Variants in EML1 observed in about 807,000 individuals in gnomAD.
The protein encoded by EML1 is echinoderm microtubule-associated protein-like 1.
EML1 carries 27 observed loss-of-function variants against 110.4 expected under a neutral mutation model. That is an observed-to-expected ratio of 0.24 (90% confidence interval 0.18 to 0.34). The LOEUF (loss-of-function observed/expected upper bound fraction) is 0.34, where lower values mean the gene tolerates loss of function less well. Ranked by LOEUF, EML1 falls within the 10% of genes least tolerant of loss-of-function variation. EML1 has a pLI of 1.00. For synonymous variants in EML1, 344 were observed against 385.8 expected (o/e 0.89, Z 1.27); for missense variants, 741 against 1,030.9 (o/e 0.72, Z 3.85).
intron 17 of EML1, among the ~76,000 whole-genome samples, chr14:99,930,935 C>T (rs553604303): frequency 1.2e-4 from 18 of 152,288 alleles, no homozygotes; most frequent in African/African-American, 4.3e-4. Flanking sequence ...CTTCTTTGAT[C>T]TTATCCATGT....
intron 12 of EML1, 90 bp from the exon 13 acceptor site, chr14:99,911,332 C>A: frequency 1.4e-6 from 2 of 1,427,634 alleles, no homozygotes; most frequent in Non-Finnish European, 1.9e-6. Context: ...GACAATATTG[C>A]GTTTTAAAAC....
chr14:99,779,285 GGATT>G (rs1246199020), intron 1 of EML1, among the ~76,000 whole-genome samples: 5 of 151,814 alleles, frequency 3.3e-5, no homozygotes. Flanking sequence ...ATTGCTGTGG[GGATT>G]GTATTTCTAC....
intron 9 of EML1, among the ~76,000 whole-genome samples, chr14:99,904,305 C>T (rs185151024): frequency 1.6e-3 from 241 of 152,240 alleles, no homozygotes; most frequent in Admixed American, 1.4e-3. Context: ...CTCAAACTTT[C>T]GACAACTTGC....
chr14:99,752,858 T>G (rs531587768), intron 1 of EML1, among the ~76,000 whole-genome samples: 37 of 151,150 alleles, frequency 2.4e-4, no homozygotes, highest in Admixed American at 4.6e-4. Context: ...AAACAGCAGG[T>G]TTTTTTTTAA....
At chr14:99,738,506 A>T (rs1326776800) in intron 1 of EML1, among the ~76,000 whole-genome samples, 1 of 152,216 alleles carries the variant, frequency 6.6e-6, no homozygotes, top group Non-Finnish European at 1.5e-5. Flanking sequence ...CCAGTTACAG[A>T]GCCAGCCTTG....
At chr14:99,775,642 T>C (rs2057473821) in intron 1 of EML1, among the ~76,000 whole-genome samples, 1 of 152,222 alleles carries the variant, frequency 6.6e-6, no homozygotes, top group Admixed American at 6.5e-5. Flanking sequence ...CAGGGGCTTT[T>C]GATCTGGAGA....
intron 1 of EML1, among the ~76,000 whole-genome samples, chr14:99,751,407 TC>T (rs2057173620): frequency 1.3e-5 from 2 of 152,154 alleles, no homozygotes; most frequent in African/African-American, 4.8e-5. Flanking sequence ...GAATGGTCAA[TC>T]AGCCATTCGA....
At chr14:99,818,606 A>T (rs11622725) in intron 1 of EML1, among the ~76,000 whole-genome samples, 1 of 152,172 alleles carries the variant, frequency 6.6e-6, no homozygotes, top group Admixed American at 6.5e-5. Context: ...CGTGTGCATC[A>T]CTCTATCTTC....
chr14:99,939,766 G>T lies in EML1; in HGVS notation c.2323-221G>T, dbSNP rs2060550005. On this transcript the variant is annotated intron_variant, in intron 21 of 21. Transcript: ENST00000262233. This position sits in a 1 kb window ranked among gnomAD's most constrained non-coding sequence, Gnocchi z 4.2. Reference sequence around the variant, plus strand: ...TACTGAGCATATCTCTCGGCTGAGGGCGGTCATTTGCTCGTGTCTGTCCCC... The same window carrying T: ...TACTGAGCATATCTCTCGGCTGAGGTCGGTCATTTGCTCGTGTCTGTCCCC... Among the ~76,000 whole-genome samples the T allele has an allele frequency of 6.6e-6, 1 of 152,070 alleles. No homozygotes were observed. Among genetic ancestry groups the T allele is most frequent in the Non-Finnish European group, 1.5e-5 (1 of 68,028 alleles).
intron 1 of EML1, among the ~76,000 whole-genome samples, chr14:99,766,119 G>A (rs2057366450): frequency 6.6e-6 from 1 of 151,756 alleles, no homozygotes; most frequent in South Asian, 2.1e-4. Flanking sequence ...ACACCTATCT[G>A]AGTCTCTGCT....
At chr14:99,766,658 G>A (rs2057371984) in intron 1 of EML1, among the ~76,000 whole-genome samples, 1 of 152,132 alleles carries the variant, frequency 6.6e-6, no homozygotes, top group African/African-American at 2.4e-5. Flanking sequence ...TAAAAACCAG[G>A]TTTGAACTCT....
intron 3 of EML1, among the ~76,000 whole-genome samples, chr14:99,877,404 G>A (rs1394109854): frequency 1.3e-5 from 2 of 152,104 alleles, no homozygotes; most frequent in Non-Finnish European, 2.9e-5. Context: ...CTCCATACCT[G>A]GGCTCTGGTT....
intron 17 of EML1, among the ~76,000 whole-genome samples, chr14:99,921,184 G>C (rs948534687): frequency 4.6e-5 from 7 of 151,762 alleles, no homozygotes; most frequent in African/African-American, 1.5e-4. Flanking sequence ...TTGGTTTTCT[G>C]TTCCTACATT....
chr14:99,802,989 C>T lies in EML1; in HGVS notation c.67+9446C>T, dbSNP rs529984833. Among the ~76,000 whole-genome samples the T allele has an allele frequency of 2.0e-5, 3 of 152,216 alleles. 1 individual carries two copies. Among genetic ancestry groups the T allele is most frequent in the African/African-American group, 7.2e-5 (3 of 41,538 alleles). ...TGAGTGCCCCCAGGTGCCCTTCCTT[C>T]GTCGGTGGCTATGTGGTATTTAGTA... On this transcript the variant is annotated intron_variant, in intron 1 of 21. Transcript: ENST00000262233.
chr14:99,828,576 C>T (rs1884804761), intron 1 of EML1, among the ~76,000 whole-genome samples: 1 of 152,072 alleles, frequency 6.6e-6, no homozygotes, highest in Non-Finnish European at 1.5e-5. Context: ...ATGAATTAAA[C>T]ATCATCATAG....
chr14:99,939,890 A>C lies in EML1; in HGVS notation c.2323-97A>C, dbSNP rs189753107. Reference sequence around the variant, plus strand: ...AGAGCTGCCGAGCGGAGGGCGAGTAAAGGAATTAAGGCATGCAGTGAGAAT... The same window carrying C: ...AGAGCTGCCGAGCGGAGGGCGAGTACAGGAATTAAGGCATGCAGTGAGAAT... On this transcript the variant is annotated intron_variant, in intron 21 of 21. Transcript: ENST00000262233. The surrounding 1 kb of genome is among the most constrained non-coding windows in gnomAD (Gnocchi z 4.2). The C allele has an allele frequency of 4.3e-6, 6 of 1,395,770 alleles. No homozygotes were observed. In the African/African-American group the frequency reaches 7.3e-5, roughly 17 times the overall value. 86.5% of individuals were successfully genotyped at this position (1,395,770 alleles called of 1,614,324 possible). A position where few individuals can be genotyped will look rare whatever the true frequency, so the allele number is the denominator to read the frequency against.
chr14:99,889,601 C>T (rs922861740), intron 4 of EML1, among the ~76,000 whole-genome samples: 3 of 152,176 alleles, frequency 2.0e-5, no homozygotes, highest in Non-Finnish European at 2.9e-5. Flanking sequence ...TCCGTACGCA[C>T]GGCTACAGCA....
At chr14:99,863,328 AC>A (rs776349817) in intron 2 of EML1, among the ~76,000 whole-genome samples, 1 of 152,162 alleles carries the variant, frequency 6.6e-6, no homozygotes, top group Non-Finnish European at 1.5e-5. Context: ...TGTTTGTCAT[AC>A]AATCTTCATT....
chr14:99,794,784 A>G (rs949250047), intron 1 of EML1, among the ~76,000 whole-genome samples: 1 of 152,212 alleles, frequency 6.6e-6, no homozygotes, highest in African/African-American at 2.4e-5. Context: ...TTCCAAGAGC[A>G]GAACACCTGT....
Sources: gnomAD v4.1 joint callset for allele counts (sites outside exome capture counted in the v4.1 genomes callset) on GRCh38, gnomAD v4.1.1 for gene constraint, Gnocchi (gnomAD v3.1) non-coding constraint, MANE v1.5 for transcripts, NCBI Gene and HGNC (gene_info 2026-07-23, HGNC 2026-07-21) for gene names.